MTO1: variants seen among roughly 807,000 people sequenced by gnomAD.
MTO1 encodes the protein mitochondrial tRNA translation optimization 1, also known as 5-taurinomethyluridine-[tRNA] synthase subunit MTO1, mitochondrial.
A neutral mutation model predicts 71.6 loss-of-function variants in MTO1; 46 were observed. The ratio of observed to expected loss-of-function variants is 0.64; its 90% CI spans 0.51 to 0.82. The LOEUF (loss-of-function observed/expected upper bound fraction) is 0.82, where lower values mean the gene tolerates loss of function less well. Among genes scored for constraint, MTO1 ranks in the 40% least tolerant of loss-of-function variants. MTO1 has a pLI of 0.00. For synonymous variants in MTO1, 297 were observed against 312.1 expected (o/e 0.95, Z 0.51); for missense variants, 773 against 867.5 (o/e 0.89, Z 1.37).
intron 10 of MTO1, 22 bp downstream of exon 10, chr6:73,492,374 A>T (rs1043778835): frequency 2.0e-6 from 3 of 1,474,778 alleles, no homozygotes; most frequent in Non-Finnish European, 2.8e-6. Flanking sequence ...TTTTTGACTT[A>T]ACATACCTTT....
intron 4 of MTO1, among the ~76,000 whole-genome samples, chr6:73,476,252 T>C (rs2150033400): frequency 6.6e-6 from 1 of 151,346 alleles, no homozygotes; most frequent in African/African-American, 2.4e-5. Context: ...CTCATGCCTG[T>C]AATCCCAGCT....
chr6:73,478,519 T>A (rs1771395899), intron 4 of MTO1, among the ~76,000 whole-genome samples: 1 of 152,172 alleles, frequency 6.6e-6, no homozygotes, highest in South Asian at 2.1e-4. Context: ...TATATTTGCT[T>A]TGGTAGTATG....
chr6:73,498,465 A>C (rs899147621), intron 11 of MTO1, among the ~76,000 whole-genome samples: 1 of 150,938 alleles, frequency 6.6e-6, no homozygotes, highest in African/African-American at 2.4e-5. Flanking sequence ...TTTTCAAGTC[A>C]CTACTTGGAG....
At chr6:73,465,266 C>T (rs997194970) in intron 1 of MTO1, among the ~76,000 whole-genome samples, 18 of 151,570 alleles carry the variant, frequency 1.2e-4, no homozygotes, top group Middle Eastern at 3.4e-3. Context: ...CAGGGTCAAG[C>T]GATTCTTTTG....
chr6:73,490,757 T>C (rs1370518528), intron 9 of MTO1, among the ~76,000 whole-genome samples: 1 of 151,002 alleles, frequency 6.6e-6, no homozygotes, highest in Non-Finnish European at 1.5e-5. Context: ...ACCTTCTAAG[T>C]AAATTACAGC....
intron 1 of MTO1, among the ~76,000 whole-genome samples, chr6:73,463,382 T>C (rs117682749): frequency 6.6e-6 from 1 of 152,204 alleles, no homozygotes; most frequent in East Asian, 1.9e-4. Context: ...TCCCTGGATT[T>C]TGTGTTTAGT....
chr6:73,494,776 T>G (rs1429355086), intron 10 of MTO1, among the ~76,000 whole-genome samples: 1 of 88,548 alleles, frequency 1.1e-5, no homozygotes, highest in Non-Finnish European at 2.4e-5. Context: ...GCTCCTGGCC[T>G]TTTTTTTTTT....
intron 1 of MTO1, among the ~76,000 whole-genome samples, chr6:73,464,835 C>CAAAA (rs70996805): frequency 4.6e-4 from 13 of 28,350 alleles, no homozygotes; most frequent in Non-Finnish European, 6.5e-4. Flanking sequence ...AACTCTGTCT[C>CAAAA]AAAAAAAAAA....
intron 9 of MTO1, 55 bp from the exon 10 acceptor site, chr6:73,492,179 A>G: frequency 9.5e-7 from 1 of 1,054,332 alleles, no homozygotes; most frequent in Non-Finnish European, 1.5e-6. Context: ...CTTGTTCTTG[A>G]TCTGCCTTAT....
Position 73,497,906 on chromosome 6 carries a change from T to C in MTO1, c.1917+10T>C, listed in dbSNP as rs1434148698. The C allele has an allele frequency of 3.8e-6, 6 of 1,599,122 alleles. No individual in the cohort carries two copies. The East Asian group carries it at 1.3e-4, about 36-fold the overall frequency. Reference sequence around the variant, plus strand: ...TAGTCGTCCACAGACGGTAAGAAAATAGGCAGGAGAATAGAAACAAGTTAT... The same window carrying C: ...TAGTCGTCCACAGACGGTAAGAAAACAGGCAGGAGAATAGAAACAAGTTAT... On this transcript the variant is annotated intron_variant, in intron 11 of 11. Coordinates refer to ENST00000498286, the MANE Select transcript of MTO1 (RefSeq NM_012123.4).
At chr6:73,498,729 A>C (rs1359027861) in intron 11 of MTO1, among the ~76,000 whole-genome samples, 1 of 151,112 alleles carries the variant, frequency 6.6e-6, no homozygotes, top group Admixed American at 6.6e-5. Context: ...CTAAAATTGC[A>C]TCTTTTTTTT....
At chr6:73,471,140 T>A (rs1771151834) in intron 3 of MTO1, among the ~76,000 whole-genome samples, 1 of 151,920 alleles carries the variant, frequency 6.6e-6, no homozygotes, top group Non-Finnish European at 1.5e-5. Context: ...TTATACACAC[T>A]GTTCCTCTGT....
At chr6:73,483,846 T>C (rs12527340) in intron 9 of MTO1, among the ~76,000 whole-genome samples, 27,986 of 148,216 alleles carry the variant, frequency 0.19, 2,740 homozygotes, top group East Asian at 0.22. Flanking sequence ...TGGCATGATC[T>C]CGGCTCACTG....
rs1350698186 is a variant in MTO1 at position 73,507,564 on chromosome 6, G to A, written c.*6829G>A. 1 of 152,224 alleles carries A rather than the reference G, an allele frequency of 6.6e-6. No homozygotes were observed. The allele number at this position is 152,224 out of a possible 1,614,324, so 9.4% of individuals were successfully genotyped here. ...AGCCTTGCGAGGTGATGTAATTAAA[G>A]TCTAACTTCAAGTTGCTGTTGAGCA... is the stretch of plus-strand genomic sequence containing the variant. On this transcript the variant is annotated 3_prime_UTR_variant, in exon 12 of 12. Transcript: ENST00000498286.
chr6:73,463,419 T>G (rs995044694), intron 1 of MTO1, among the ~76,000 whole-genome samples: 6 of 152,154 alleles, frequency 3.9e-5, no homozygotes, highest in African/African-American at 1.4e-4. Flanking sequence ...TTTGCTCTAA[T>G]GGGTAATGGT....
chr6:73,490,613 T>G (rs1362790352), intron 9 of MTO1, among the ~76,000 whole-genome samples: 1 of 152,164 alleles, frequency 6.6e-6, no homozygotes, highest in East Asian at 1.9e-4. Context: ...GTAATATGTT[T>G]GAAATCAGGA....
chr6:73,481,798 T>C (rs1385388552), intron 7 of MTO1, among the ~76,000 whole-genome samples: 1 of 151,946 alleles, frequency 6.6e-6, no homozygotes, highest in Non-Finnish European at 1.5e-5. Flanking sequence ...CCCCGCAGAG[T>C]GCAGCTTATC....
chr6:73,487,996 T>G (rs1341919790), intron 9 of MTO1: 1 of 152,190 alleles, frequency 6.6e-6, no homozygotes, highest in East Asian at 1.9e-4. Context: ...ACAGTTGTCA[T>G]CTTCTGTTTT....
At chr6:73,486,303 G>A (rs1422259225) in intron 9 of MTO1, among the ~76,000 whole-genome samples, 2 of 152,070 alleles carry the variant, frequency 1.3e-5, no homozygotes, top group Non-Finnish European at 2.9e-5. Context: ...ATATTCATAT[G>A]GTTGCAAAAT....
Sources: gnomAD v4.1 joint callset for allele counts (sites outside exome capture counted in the v4.1 genomes callset) on GRCh38, gnomAD v4.1.1 for gene constraint, MANE v1.5 for transcripts, NCBI Gene and HGNC (gene_info 2026-07-23, HGNC 2026-07-21) for gene names.